The following UNC13C variants were observed in gnomAD, a reference collection of about 807,000 sequenced individuals.
UNC13C encodes the protein protein unc-13 homolog C.
A neutral mutation model predicts 245.4 loss-of-function variants in UNC13C; 174 were observed. The ratio of observed to expected loss-of-function variants is 0.71; its 90% CI spans 0.63 to 0.80. The LOEUF (loss-of-function observed/expected upper bound fraction) is 0.80, where lower values mean the gene tolerates loss of function less well. Ranked by LOEUF, UNC13C falls within the 30% of genes least tolerant of loss-of-function variation. The pLI, the probability that UNC13C is intolerant of heterozygous loss-of-function variation, is 0.00. For missense variants in UNC13C, 2,829 were observed against 2,602.9 expected, an observed-to-expected ratio of 1.09 and a Z score of -1.89; for synonymous variants, 992 against 895.1, an observed-to-expected ratio of 1.11 and a Z score of -1.93.
At chr15:53,940,205 G>A in the UNC13C span, among the ~76,000 whole-genome samples, 1 of 152,214 alleles carries the variant, frequency 6.6e-6, no homozygotes, top group African/African-American at 2.4e-5. Context: ...AGCACGGAGA[G>A]GTTTGCGGGG....
At chr15:54,422,163 A>T (rs1260464700) in intron 19 of UNC13C, among the ~76,000 whole-genome samples, 3 of 151,814 alleles carry the variant, frequency 2.0e-5, no homozygotes, top group South Asian at 2.1e-4. Flanking sequence ...TTGATTCCTT[A>T]TTTCTCTTGC....
chr15:54,084,309 G>A lies in UNC13C; in HGVS notation c.2984-58709G>A, dbSNP rs147010719. ...TGGATTTAAGTTCCTCGTGTATAAC[G>A]GAGTGGGTGGGTTGGATTCTAGCAA... On this transcript the variant is annotated intron_variant, in intron 2 of 32. Coordinates refer to ENST00000260323, the MANE Select transcript of UNC13C (RefSeq NM_001080534.3). 1.4e-3 allele frequency among the ~76,000 whole-genome samples: 209 copies of A among 152,264 alleles called. 2 individuals are homozygous for A. Among genetic ancestry groups the A allele is most frequent in the African/African-American group, 4.6e-3 (191 of 41,560 alleles).
Position 54,012,992 on chromosome 15 carries a change from AC to A in UNC13C, c.90del (p.Asn30LysfsTer34). ...TTTACAAAGAAATTGGGAAATACAA[AC>A]AAAAACAAAGAGTATCGTCAGCAGA... The part of the protein sequence containing the change: ...GMFTKKLGNT[N>X]KNKEYRQQKK... On this transcript the variant is annotated frameshift_variant, in exon 2 of 33. Transcript: ENST00000260323. LOFTEE classifies it high-confidence loss of function. 1 of 1,613,920 alleles carries A rather than the reference AC, an allele frequency of 6.2e-7. No individual in the cohort carries two copies. The highest frequency in any genetic ancestry group is 8.5e-7 in the Non-Finnish European group (1 of 1,179,848).
chr15:53,909,312 A>T, the UNC13C span, among the ~76,000 whole-genome samples: 1 of 146,628 alleles, frequency 6.8e-6, no homozygotes, highest in Non-Finnish European at 1.5e-5. Context: ...TTTATTCCAT[A>T]TCAGCACATA....
intron 24 of UNC13C, among the ~76,000 whole-genome samples, chr15:54,515,322 G>T (rs1388691334): frequency 2.0e-5 from 3 of 152,094 alleles, no homozygotes; most frequent in African/African-American, 7.2e-5. Flanking sequence ...ACAACAAAAT[G>T]ATTATCAGGG....
intron 19 of UNC13C, among the ~76,000 whole-genome samples, chr15:54,434,631 C>G (rs2140980422): frequency 6.6e-6 from 1 of 152,148 alleles, no homozygotes; most frequent in Non-Finnish European, 1.5e-5. Context: ...CATAAAAACC[C>G]TAGAAGAAAA....
intron 4 of UNC13C, among the ~76,000 whole-genome samples, chr15:54,229,339 TG>T (rs1342645471): frequency 6.6e-6 from 1 of 152,196 alleles, no homozygotes; most frequent in Admixed American, 6.5e-5. Flanking sequence ...ACCTGATTTT[TG>T]GTTCTTATGA....
chr15:53,977,761 A>G (rs753140828), upstream of UNC13C, among the ~76,000 whole-genome samples: 3 of 152,216 alleles, frequency 2.0e-5, no homozygotes, highest in Non-Finnish European at 2.9e-5. Context: ...CAGCAAAACT[A>G]AAAGAGAAAG....
At chr15:54,035,389 T>C (rs1025693985) in intron 2 of UNC13C, among the ~76,000 whole-genome samples, 3 of 152,162 alleles carry the variant, frequency 2.0e-5, no homozygotes, top group Non-Finnish European at 2.9e-5. Context: ...ATCATAGGCA[T>C]GCATGATTTG....
downstream of UNC13C, chr15:54,632,919 A>T (rs1901482953): frequency 1.3e-5 from 2 of 152,300 alleles, no homozygotes; most frequent in South Asian, 4.1e-4. Context: ...TAGTCCCAGC[A>T]CTTTGGGAGG....
intron 13 of UNC13C, among the ~76,000 whole-genome samples, chr15:54,302,474 G>T (rs1318639558): frequency 6.6e-6 from 1 of 152,136 alleles, no homozygotes; most frequent in Non-Finnish European, 1.5e-5. Context: ...TGTAAAATGT[G>T]TAAGGAAGGG....
In UNC13C at chr15:54,235,092, C is replaced by T; in HGVS notation, c.3134C>T (p.Pro1045Leu). ...GATCTTCGCAGAAAAAAAACTTTGCCTATTGTCCGAGATGTGGTAAGTTAC... is the reference window on the plus strand; with the variant it reads ...GATCTTCGCAGAAAAAAAACTTTGCTTATTGTCCGAGATGTGGTAAGTTAC... ...MPDLRRKKTL[P>L]IVRDVAMTLA... Residue 1045 changes from proline to leucine, a missense_variant, in exon 5 of 33, where the codon CCT becomes CTT. Physicochemically the swap from Pro to Leu is moderately conservative, Grantham distance 98. Transcript: ENST00000260323. The T allele has an allele frequency of 6.2e-7, 1 of 1,613,806 alleles. No individual in the cohort carries two copies.
chr15:54,149,667 A>G (rs532199122), intron 4 of UNC13C, among the ~76,000 whole-genome samples: 1 of 152,308 alleles, frequency 6.6e-6, no homozygotes, highest in South Asian at 2.1e-4. Context: ...TCTTTAAAGG[A>G]CGGGCCTTTC....
chr15:54,229,493 A>G (rs1416193925), intron 4 of UNC13C, among the ~76,000 whole-genome samples: 2 of 152,088 alleles, frequency 1.3e-5, no homozygotes, highest in Non-Finnish European at 2.9e-5. Flanking sequence ...TTTGTTTATT[A>G]TTATTTTTAA....
intron 30 of UNC13C, among the ~76,000 whole-genome samples, chr15:54,587,824 C>A (rs1167794230): frequency 1.3e-5 from 2 of 152,166 alleles, no homozygotes; most frequent in African/African-American, 4.8e-5. Flanking sequence ...AAAAGGTAGA[C>A]CTCTTCATGT....
intron 29 of UNC13C, among the ~76,000 whole-genome samples, chr15:54,557,967 T>C (rs1479095298): frequency 1.3e-5 from 2 of 151,856 alleles, no homozygotes; most frequent in Admixed American, 6.6e-5. Context: ...ATGGATGAAA[T>C]TGGAAATCAT....
At chr15:54,133,069 A>G (rs971517024) in intron 2 of UNC13C, among the ~76,000 whole-genome samples, 1 of 152,100 alleles carries the variant, frequency 6.6e-6, no homozygotes, top group African/African-American at 2.4e-5. Flanking sequence ...TATTATGAAT[A>G]TTTATTTTTC....
intron 1 of UNC13C, among the ~76,000 whole-genome samples, chr15:53,998,648 G>A (rs959032121): frequency 1.3e-5 from 2 of 152,024 alleles, no homozygotes; most frequent in Admixed American, 6.5e-5. Context: ...CCAATTCAAT[G>A]TTAAATACAG....
intron 19 of UNC13C, among the ~76,000 whole-genome samples, chr15:54,430,850 A>G (rs2040856694): frequency 6.6e-6 from 1 of 151,744 alleles, no homozygotes. Flanking sequence ...ACAATATTTA[A>G]ATAGCTAATG....
Sources: allele counts gnomAD v4.1 joint callset (sites outside exome capture counted in the v4.1 genomes callset), GRCh38; gene constraint gnomAD v4.1.1; transcripts MANE v1.5; gene names NCBI Gene and HGNC (gene_info 2026-07-23, HGNC 2026-07-21).